ARHGAP32: variants seen among roughly 807,000 people sequenced by gnomAD.
ARHGAP32 encodes Rho GTPase activating protein 32.
A neutral mutation model predicts 186.5 loss-of-function variants in ARHGAP32; 51 were observed. The observed-to-expected ratio is 0.27, with a 90% CI of 0.22 to 0.35. The LOEUF (loss-of-function observed/expected upper bound fraction) is 0.35, where lower values mean the gene tolerates loss of function less well. ARHGAP32 is among the 10% of genes least tolerant of loss of function. The probability of loss-of-function intolerance (pLI) is 1.00; values close to 1 mark genes in which losing one functional copy is unlikely to be tolerated. For synonymous variants in ARHGAP32, 950 were observed against 964.3 expected, an observed-to-expected ratio of 0.99 and a Z score of 0.27; for missense variants, 2,186 against 2,623.5, an observed-to-expected ratio of 0.83 and a Z score of 3.64.
chr11:129,126,159 T>C, intron 2 of ARHGAP32: 1 of 226,112 alleles, frequency 4.4e-6, no homozygotes, highest in Non-Finnish European at 8.9e-6. Context: ...AATGAGATAA[T>C]ATCCTAGAAA....
chr11:129,189,054 T>C (rs1944222673), intron 1 of ARHGAP32, among the ~76,000 whole-genome samples: 1 of 152,214 alleles, frequency 6.6e-6, no homozygotes, highest in Non-Finnish European at 1.5e-5. Context: ...TTGTGTTCAT[T>C]ACTTCATTTT....
At chr11:128,981,013 G>T (rs962988072) in intron 17 of ARHGAP32, among the ~76,000 whole-genome samples, 3 of 152,068 alleles carry the variant, frequency 2.0e-5, no homozygotes, top group Admixed American at 6.5e-5. Context: ...ATAAAAAACT[G>T]AAGGGGATAC....
At chr11:129,165,534 G>A (rs1451056042) in intron 1 of ARHGAP32, among the ~76,000 whole-genome samples, 1 of 148,458 alleles carries the variant, frequency 6.7e-6, no homozygotes, top group Non-Finnish European at 1.5e-5. Flanking sequence ...CAGACTCTCT[G>A]CAAATCTTTC....
In ARHGAP32 at chr11:128,988,130, A is replaced by G; in HGVS notation, c.1196-5T>C. ...AGCTTTGAAGAACCTGCGGCACTAA[A>G]GAGAATTTGTAAAGAAACAGATGAA... On this transcript the variant is annotated splice_polypyrimidine_tract_variant and splice_region_variant and intron_variant, in intron 12 of 22. Coordinates refer to ENST00000682385, the MANE Select transcript of ARHGAP32 (RefSeq NM_001378024.1). 1 of 1,606,206 alleles carries G rather than the reference A, an allele frequency of 6.2e-7. No homozygotes were observed. Among genetic ancestry groups the G allele is most frequent in the Non-Finnish European group, 8.5e-7 (1 of 1,174,324 alleles).
At chr11:128,987,989 A>C (rs79897379) in intron 13 of ARHGAP32, 34 bp downstream of exon 13, 2 of 587,820 alleles carry the variant, frequency 3.4e-6, no homozygotes, top group East Asian at 9.4e-5. Context: ...TAATTAGTTA[A>C]GAAGGAGTGA....
chr11:129,137,898 A>G (rs1942969132), intron 2 of ARHGAP32, among the ~76,000 whole-genome samples: 1 of 152,104 alleles, frequency 6.6e-6, no homozygotes, highest in African/African-American at 2.4e-5. Context: ...AGCTGATTAA[A>G]TACTAAAGAA....
chr11:129,024,179 A>G, intron 11 of ARHGAP32: 1 of 985,432 alleles, frequency 1.0e-6, no homozygotes, highest in East Asian at 1.1e-4. Flanking sequence ...CTCCTCTCTC[A>G]GCACATACTG....
intron 1 of ARHGAP32, among the ~76,000 whole-genome samples, chr11:129,278,831 G>T (rs1250074780): frequency 6.6e-6 from 1 of 151,382 alleles, no homozygotes; most frequent in African/African-American, 2.4e-5. Context: ...CGCGGCTGCC[G>T]CCCGCCTTGG....
intron 1 of ARHGAP32, among the ~76,000 whole-genome samples, chr11:129,177,285 G>T (rs796084923): frequency 2.0e-5 from 3 of 151,958 alleles, no homozygotes; most frequent in African/African-American, 7.2e-5. Context: ...TGAAATTGTG[G>T]CAATAATCAA....
chr11:129,225,280 T>C (rs1216871609), intron 1 of ARHGAP32, among the ~76,000 whole-genome samples: 3 of 152,114 alleles, frequency 2.0e-5, no homozygotes, highest in Non-Finnish European at 2.9e-5. Flanking sequence ...AATCTCAAAG[T>C]CTATTCACAT....
intron 11 of ARHGAP32, among the ~76,000 whole-genome samples, chr11:129,036,498 C>A (rs1939347636): frequency 6.6e-6 from 1 of 150,902 alleles, no homozygotes; most frequent in Admixed American, 6.6e-5. Context: ...ACATCTGAGT[C>A]AATACTATCA....
chr11:129,024,270 C>T (rs1026270943), intron 11 of ARHGAP32: 2 of 583,172 alleles, frequency 3.4e-6, no homozygotes, highest in African/African-American at 2.0e-5. Flanking sequence ...ACCCATCAAC[C>T]CCACACAGGT....
At chr11:129,023,041 T>C (rs895427473) in intron 11 of ARHGAP32, among the ~76,000 whole-genome samples, 1 of 152,174 alleles carries the variant, frequency 6.6e-6, no homozygotes, top group African/African-American at 2.4e-5. Flanking sequence ...ATTGCTGTCA[T>C]TTAAGCACTA....
chr11:129,134,012 T>C (rs962763551), intron 2 of ARHGAP32, among the ~76,000 whole-genome samples: 1 of 152,182 alleles, frequency 6.6e-6, no homozygotes, highest in Admixed American at 6.5e-5. Flanking sequence ...GGTGGTAGGA[T>C]TTCTACATTC....
At chr11:129,035,868 C>T (rs978701620) in intron 11 of ARHGAP32, among the ~76,000 whole-genome samples, 33 of 151,878 alleles carry the variant, frequency 2.2e-4, no homozygotes, top group African/African-American at 7.0e-4. Flanking sequence ...AGCACATTTC[C>T]TTATGCCAAC....
At chr11:129,211,682 T>C (rs961338136) in intron 1 of ARHGAP32, among the ~76,000 whole-genome samples, 1 of 152,206 alleles carries the variant, frequency 6.6e-6, no homozygotes, top group East Asian at 1.9e-4. Context: ...ACAGACCTCC[T>C]GGATTTCCAG....
At chr11:129,162,858 T>A (rs1943559434) in intron 2 of ARHGAP32, among the ~76,000 whole-genome samples, 1 of 152,122 alleles carries the variant, frequency 6.6e-6, no homozygotes, top group Non-Finnish European at 1.5e-5. Context: ...TGTCCATGCA[T>A]CCCAAATTAT....
chr11:128,998,268 A>G (rs1946256500), intron 12 of ARHGAP32, 51 bp downstream of exon 12: 1 of 1,424,164 alleles, frequency 7.0e-7, no homozygotes, highest in Non-Finnish European at 9.3e-7. Context: ...TAGCAAACCA[A>G]TATGGAGAGG....
intron 1 of ARHGAP32, among the ~76,000 whole-genome samples, chr11:129,260,219 A>G (rs1945304717): frequency 1.3e-5 from 2 of 152,208 alleles, no homozygotes; most frequent in Admixed American, 1.3e-4. Flanking sequence ...TTGTGAAATA[A>G]AACAATTTGT....
Sources: gnomAD v4.1 joint callset for allele counts (sites outside exome capture counted in the v4.1 genomes callset) on GRCh38, gnomAD v4.1.1 for gene constraint, MANE v1.5 for transcripts, NCBI Gene and HGNC (gene_info 2026-07-23, HGNC 2026-07-21) for gene names.